CNTNAP2: variants seen among roughly 807,000 people sequenced by gnomAD.
The protein encoded by CNTNAP2 is contactin associated protein 2.
In CNTNAP2, 98 loss-of-function variants were observed where a neutral mutation model predicts 155.2. The ratio of observed to expected loss-of-function variants is 0.63; its 90% CI spans 0.54 to 0.75. The LOEUF is 0.75. Ranked by LOEUF, CNTNAP2 falls within the 30% of genes least tolerant of loss-of-function variation. The pLI is 0.00. For synonymous variants in CNTNAP2, 651 were observed against 631.2 expected (o/e 1.03, Z -0.47); for missense variants, 1,727 against 1,688.1 (o/e 1.02, Z -0.40).
chr7:147,608,952 G>C (rs1407725147), intron 12 of CNTNAP2, among the ~76,000 whole-genome samples: 1 of 152,098 alleles, frequency 6.6e-6, no homozygotes, highest in Admixed American at 6.5e-5. Flanking sequence ...GCCAGGAGAA[G>C]GAATTTCACA....
chr7:148,285,741 G>C (rs572877619), intron 21 of CNTNAP2, among the ~76,000 whole-genome samples: 25 of 152,194 alleles, frequency 1.6e-4, no homozygotes, highest in Non-Finnish European at 2.9e-4. Flanking sequence ...GTGCTTGTTG[G>C]TTTATTTACT....
At chr7:146,615,587 T>C (rs1799211059) in intron 1 of CNTNAP2, among the ~76,000 whole-genome samples, 1 of 152,218 alleles carries the variant, frequency 6.6e-6, no homozygotes, top group Non-Finnish European at 1.5e-5. Context: ...CACATCACTC[T>C]TGTGCATTCC....
intron 13 of CNTNAP2, among the ~76,000 whole-genome samples, chr7:147,659,866 CAAAG>C (rs931243412): frequency 5.1e-5 from 7 of 136,426 alleles, no homozygotes; most frequent in African/African-American, 1.9e-4. Flanking sequence ...GAAAGAATAA[CAAAG>C]AAACAGAAAT....
intron 9 of CNTNAP2, among the ~76,000 whole-genome samples, chr7:147,394,708 T>C (rs1796780976): frequency 6.6e-6 from 1 of 151,816 alleles, no homozygotes; most frequent in African/African-American, 2.4e-5. Context: ...TAATAGTAAT[T>C]GATTGGTGGT....
chr7:146,940,639 T>G (rs979996683), intron 3 of CNTNAP2, among the ~76,000 whole-genome samples: 1 of 151,860 alleles, frequency 6.6e-6, no homozygotes, highest in Admixed American at 6.6e-5. Context: ...GGGTTGAAAT[T>G]GAATTTAAGC....
chr7:147,241,311 C>G (rs1411717123), intron 8 of CNTNAP2, among the ~76,000 whole-genome samples: 2 of 152,166 alleles, frequency 1.3e-5, no homozygotes, highest in Non-Finnish European at 2.9e-5. Context: ...GATACAAGCT[C>G]TAATTGTTTC....
intron 14 of CNTNAP2, among the ~76,000 whole-genome samples, chr7:147,915,554 CTGTG>C (rs201864461): frequency 4.0e-5 from 6 of 151,554 alleles, no homozygotes; most frequent in African/African-American, 1.2e-4. Flanking sequence ...ATGTGCTTGT[CTGTG>C]TGTGTGTGTA....
chr7:147,722,452 G>C (rs888377837), intron 13 of CNTNAP2, among the ~76,000 whole-genome samples: 1 of 152,026 alleles, frequency 6.6e-6, no homozygotes, highest in Admixed American at 6.6e-5. Flanking sequence ...TATTTCTGGG[G>C]TTCGACCACA....
In CNTNAP2 at chr7:147,044,053, C is replaced by A. The variant is rs1799308622; in HGVS notation, c.549C>A (p.Tyr183Ter). 4 of 1,614,058 alleles carry A rather than the reference C, an allele frequency of 2.5e-6. No homozygotes were observed. The highest frequency in any genetic ancestry group is 3.4e-6 in the Non-Finnish European group (4 of 1,179,970). ...GLRIEVYGCSYWADVINFDGH... is the reference protein window; with the variant it reads ...GLRIEVYGCS ...GAATTGAAGTTTATGGCTGTTCTTACTGTGAGTATCGTATTGTTTAAATTT... is the reference window on the plus strand; with the variant it reads ...GAATTGAAGTTTATGGCTGTTCTTAATGTGAGTATCGTATTGTTTAAATTT... The change falls in exon 4 of 24, where the codon TAC (tyrosine) becomes TAA (stop). Residue 183 changes from tyrosine to a stop codon, truncating the protein, a stop_gained and splice_region_variant. Coordinates refer to ENST00000361727, the MANE Select transcript of CNTNAP2 (RefSeq NM_014141.6). LOFTEE classifies it high-confidence loss of function.
At chr7:146,860,440 C>T (rs1795075373) in intron 3 of CNTNAP2, among the ~76,000 whole-genome samples, 1 of 152,090 alleles carries the variant, frequency 6.6e-6, no homozygotes. Flanking sequence ...AGGACAAAGG[C>T]ATTTCCATTG....
intron 13 of CNTNAP2, among the ~76,000 whole-genome samples, chr7:147,839,048 A>G (rs1798679019): frequency 6.6e-6 from 1 of 152,214 alleles, no homozygotes. Context: ...TCCCAAAGCT[A>G]AAGAACTTTG....
At chr7:146,573,899 TA>T (rs983921532) in intron 1 of CNTNAP2, among the ~76,000 whole-genome samples, 25 of 152,108 alleles carry the variant, frequency 1.6e-4, no homozygotes, top group Admixed American at 8.5e-4. Flanking sequence ...GAGATAGGTG[TA>T]AAAAAATGCA....
At chr7:146,420,123 A>C (rs565466913) in intron 1 of CNTNAP2, among the ~76,000 whole-genome samples, 1 of 152,092 alleles carries the variant, frequency 6.6e-6, no homozygotes, top group African/African-American at 2.4e-5. Context: ...CATCTGAGAA[A>C]TATTTGTAGA....
At chr7:146,940,197 ATTTTTATTATT>A (rs2129225355) in intron 3 of CNTNAP2, among the ~76,000 whole-genome samples, 1 of 151,636 alleles carries the variant, frequency 6.6e-6, no homozygotes, top group South Asian at 2.1e-4. Flanking sequence ...TTCTTTTTTT[ATTTTTATTATT>A]TATTTATTTA....
intron 1 of CNTNAP2, among the ~76,000 whole-genome samples, chr7:146,124,254 A>G (rs976372541): frequency 2.0e-5 from 3 of 152,206 alleles, no homozygotes; most frequent in Non-Finnish European, 2.9e-5. Flanking sequence ...AAATTTAAAA[A>G]AAAAAGTGCT....
At chr7:147,626,821 G>C (rs1428641099) in intron 12 of CNTNAP2, among the ~76,000 whole-genome samples, 3 of 152,096 alleles carry the variant, frequency 2.0e-5, no homozygotes, top group African/African-American at 7.2e-5. Context: ...GTTCCTGAGC[G>C]TGTCCCTGTG....
At chr7:146,616,519 T>A (rs548448506) in intron 1 of CNTNAP2, among the ~76,000 whole-genome samples, 1 of 152,316 alleles carries the variant, frequency 6.6e-6, no homozygotes, top group East Asian at 1.9e-4. Flanking sequence ...CCAGCTTCAA[T>A]GAAGTTGTTC....
chr7:147,273,719 C>CATTTTATATATGTAATATAT (rs535225504), intron 8 of CNTNAP2, among the ~76,000 whole-genome samples: 12 of 145,406 alleles, frequency 8.3e-5, no homozygotes, highest in African/African-American at 2.9e-4. Context: ...AGTATTTCAT[C>CATTTTATATATGTAATATAT]ATTTTATATA....
chr7:148,006,341 A>G (rs1465684297), intron 15 of CNTNAP2, among the ~76,000 whole-genome samples: 1 of 145,526 alleles, frequency 6.9e-6, no homozygotes, highest in African/African-American at 2.6e-5. Flanking sequence ...TTTTTTTGAA[A>G]CAGAGTCTTG....
Sources: allele counts gnomAD v4.1 joint callset (sites outside exome capture counted in the v4.1 genomes callset), GRCh38; gene constraint gnomAD v4.1.1; transcripts MANE v1.5; gene names NCBI Gene and HGNC (gene_info 2026-07-23, HGNC 2026-07-21).